The following VWCE variants were observed in gnomAD, a reference collection of about 807,000 sequenced individuals.
The protein encoded by VWCE is von Willebrand factor C and EGF domain-containing protein.
In VWCE, 68 loss-of-function variants were observed where a neutral mutation model predicts 102.9. The ratio of observed to expected loss-of-function variants is 0.66; its 90% CI spans 0.54 to 0.81. VWCE has a LOEUF of 0.81. Among genes scored for constraint, VWCE ranks in the 30% least tolerant of loss-of-function variants. The probability of loss-of-function intolerance (pLI) is 0.00; values close to 1 mark genes in which losing one functional copy is unlikely to be tolerated. For synonymous variants in VWCE, 497 were observed against 515.4 expected (o/e 0.96, Z 0.48); for missense variants, 1,137 against 1,263.6 (o/e 0.90, Z 1.52).
intron 16 of VWCE, among the ~76,000 whole-genome samples, chr11:61,266,470 C>T (rs1373136797): frequency 6.6e-6 from 1 of 151,920 alleles, no homozygotes; most frequent in Non-Finnish European, 1.5e-5. Flanking sequence ...ATCGCTTGAG[C>T]CCAGGAGGTC....
chr11:61,265,779 C>T (rs920060883), intron 16 of VWCE, among the ~76,000 whole-genome samples: 4 of 152,232 alleles, frequency 2.6e-5, no homozygotes, highest in African/African-American at 7.2e-5. Context: ...GGAGTGGTGG[C>T]TCACACCTGT....
chr11:61,259,753 G>A (rs1854299915), intron 19 of VWCE, among the ~76,000 whole-genome samples: 2 of 152,198 alleles, frequency 1.3e-5, no homozygotes, highest in South Asian at 4.1e-4. Flanking sequence ...ATCATGTGGA[G>A]TCTGAGGCAT....
At position 61,267,479 on chromosome 11, in the gene VWCE, G is replaced by C. The variant is rs1240105512; in HGVS notation, c.1948C>G (p.Leu650Val). The change falls in exon 16 of 20, where the codon CTG (leucine) becomes GTG (valine). Residue 650 changes from leucine (L) to valine (V), a missense_variant. Physicochemically the swap from Leu to Val is conservative, Grantham distance 32. Around this residue, in one of 5 missense-constraint regions of VWCE, gnomAD observed 212 missense variants for 235.1 expected, o/e 0.90. Transcript: ENST00000335613. ...GTCCATACCAGGCAGATGCAGCTCA[G>C]ACATGGGTCCAGCACAGACGGGAAG... ...ETFPSVLDPC[L>V]SCICLLGSVA... is the part of the protein sequence containing the mutation. 1 of 1,614,218 alleles carries C rather than the reference G, an allele frequency of 6.2e-7. No individual in the cohort carries two copies. Among genetic ancestry groups the C allele is most frequent in the Admixed American group, 1.7e-5 (1 of 60,020 alleles).
intron 16 of VWCE, 57 bp downstream of exon 16, chr11:61,267,405 C>G: frequency 6.5e-7 from 1 of 1,548,092 alleles, no homozygotes; most frequent in Non-Finnish European, 8.9e-7. Flanking sequence ...ATTCAGGAGC[C>G]GATGTCAGTT....
intron 3 of VWCE, 57 bp downstream of exon 3, chr11:61,291,207 A>G: frequency 6.8e-7 from 1 of 1,472,162 alleles, no homozygotes; most frequent in Non-Finnish European, 9.1e-7. Flanking sequence ...ACTGCCCAGG[A>G]CATAACCTCA....
intron 13 of VWCE, among the ~76,000 whole-genome samples, chr11:61,272,366 TAC>T (rs1721447319): frequency 1.3e-5 from 2 of 151,344 alleles, no homozygotes; most frequent in East Asian, 3.9e-4. Context: ...CATAGAATCA[TAC>T]ACTTACATGC....
At chr11:61,286,192 G>A (rs1008728646) in intron 5 of VWCE, 122 bp downstream of exon 5, 49 of 948,058 alleles carry the variant, frequency 5.2e-5, no homozygotes, top group Non-Finnish European at 3.0e-5. Context: ...CTCCGAAGCC[G>A]GTGGTGAAGG....
Position 61,294,957 on chromosome 11 carries a change from C to A in VWCE, c.81G>T (p.Arg27Ser). The change falls in exon 1 of 20, where the codon AGG (arginine) becomes AGT (serine). Residue 27 changes from arginine to serine, a missense_variant. Arg to Ser is a moderately radical substitution (Grantham distance 110, BLOSUM62 -1). Coordinates refer to ENST00000335613, the MANE Select transcript of VWCE (RefSeq NM_152718.2). This position sits in a 1 kb window ranked among gnomAD's most constrained non-coding sequence, Gnocchi z 6.3. ...PGAPARGYTGRKPPGHFAAER... is the reference protein window; with the variant it reads ...PGAPARGYTGSKPPGHFAAER... The stretch of plus-strand genomic sequence containing the variant: ...CGGCCGCGAAGTGCCCGGGCGGCTT[C>A]CTCCCGGTGTAGCCTCGGGCTGGTG... 1 of 1,458,516 alleles carries A rather than the reference C, an allele frequency of 6.9e-7. No homozygotes were observed. The highest frequency in any genetic ancestry group is 9.0e-7 in the Non-Finnish European group (1 of 1,105,048). The allele number at this position is 1,458,516 out of a possible 1,614,324, so 90.3% of individuals were successfully genotyped here. A position where few individuals can be genotyped will look rare whatever the true frequency, so the allele number is the denominator to read the frequency against.
chr11:61,270,411 T>C (rs1854649615), intron 14 of VWCE, among the ~76,000 whole-genome samples: 1 of 152,138 alleles, frequency 6.6e-6, no homozygotes, highest in Non-Finnish European at 1.5e-5. Flanking sequence ...TTTTGAGAAA[T>C]AAACCTCTAA....
Position 61,295,129 on chromosome 11 carries a change from C to T in VWCE, c.-92G>A. 1 of 769,870 alleles carries T rather than the reference C, an allele frequency of 1.3e-6. No homozygotes were observed. Among genetic ancestry groups the T allele is most frequent in the Non-Finnish European group, 1.8e-6 (1 of 558,088 alleles). 47.7% of individuals were successfully genotyped at this position (769,870 alleles called of 1,614,324 possible). ...CGGCCCTCGCCCCTCCTCCTGGCGC[C>T]GTGGGGAGCGAACCAGCGATCCCCG... is the stretch of plus-strand genomic sequence containing the variant. On this transcript the variant is annotated 5_prime_UTR_variant, in exon 1 of 20. Transcript: ENST00000335613. This position sits in a 1 kb window ranked among gnomAD's most constrained non-coding sequence, Gnocchi z 4.6.
At position 61,258,800 on chromosome 11, in the gene VWCE, G is replaced by A. The variant is rs770919146; in HGVS notation, c.2743C>T (p.Leu915Phe). 1.3e-6 allele frequency: 2 copies of A among 1,502,202 alleles called. No homozygotes were observed. Among genetic ancestry groups the A allele is most frequent in the East Asian group, 2.3e-5 (1 of 43,246 alleles). 93.1% of individuals were successfully genotyped at this position (1,502,202 alleles called of 1,614,324 possible). A position where few individuals can be genotyped will look rare whatever the true frequency, so the allele number is the denominator to read the frequency against. ...DPSPSKTPIT[L>F]LGPRVLSPTT... The stretch of plus-strand genomic sequence containing the variant: ...GGAGAAAGCACGCGAGGCCCGAGGA[G>A]GGTGATGGGGGTCTTCGAGGGGCTG... The change falls in exon 20 of 20, where the codon CTC (leucine) becomes TTC (phenylalanine). Residue 915 changes from leucine to phenylalanine, a missense_variant. Leu to Phe is a conservative substitution (Grantham distance 22, BLOSUM62 0). Transcript: ENST00000335613.
chr11:61,267,356 C>G, intron 16 of VWCE, 106 bp downstream of exon 16: 1 of 1,134,894 alleles, frequency 8.8e-7, no homozygotes, highest in Non-Finnish European at 1.3e-6. Context: ...GAACCAGAAG[C>G]ATCCCTTGTC....
chr11:61,263,058 G>A (rs943677022), intron 19 of VWCE, among the ~76,000 whole-genome samples: 5 of 152,194 alleles, frequency 3.3e-5, no homozygotes, highest in Non-Finnish European at 7.3e-5. Context: ...TGTAATCCCA[G>A]TGCCTTGGGA....
intron 16 of VWCE, among the ~76,000 whole-genome samples, chr11:61,266,015 C>T (rs1854502190): frequency 6.6e-6 from 1 of 151,198 alleles, no homozygotes; most frequent in Admixed American, 6.6e-5. Flanking sequence ...CACTGCACTC[C>T]AGCCTGGCGA....
chr11:61,267,574 G>A (rs376151599), intron 15 of VWCE, 30 bp from the exon 16 acceptor site: 18 of 1,609,334 alleles, frequency 1.1e-5, no homozygotes, highest in Non-Finnish European at 1.4e-5. Flanking sequence ...CTGAGCACCA[G>A]CTGGGAGTGG....
rs559684795 is a variant in VWCE, at chr11:61,269,834, G to A, written c.1786-816C>T. Reference sequence around the variant, plus strand: ...TCTTGGTGACTGATTATGGGTGCCCGAAATCAGTCATAAAGGAGAAGACAG... The same window carrying A: ...TCTTGGTGACTGATTATGGGTGCCCAAAATCAGTCATAAAGGAGAAGACAG... On this transcript the variant is annotated intron_variant, in intron 14 of 19. Coordinates refer to ENST00000335613, the MANE Select transcript of VWCE (RefSeq NM_152718.2). Among the ~76,000 whole-genome samples the A allele has an allele frequency of 4.0e-5, 6 of 151,878 alleles. No homozygotes were observed. In the East Asian group the frequency reaches 5.8e-4, roughly 15 times the overall value.
intron 4 of VWCE, among the ~76,000 whole-genome samples, chr11:61,289,773 C>T (rs956476969): frequency 3.9e-5 from 6 of 152,114 alleles, no homozygotes; most frequent in African/African-American, 9.7e-5. Flanking sequence ...CAAATATCTC[C>T]GGGTGGGGAC....
intron 5 of VWCE, among the ~76,000 whole-genome samples, chr11:61,284,410 ATC>A (rs1855244535): frequency 6.6e-6 from 1 of 152,190 alleles, no homozygotes; most frequent in African/African-American, 2.4e-5. Context: ...CAACTATCCT[ATC>A]TCTGTAAGTG....
rs1324175275 is a variant in VWCE at position 61,295,300 on chromosome 11, G to GC, written c.-264dup. ...AAGGCAACGCCGCCCGCCTGCTGAT[G>GC]CCTCTCCGAGAGGCGCGGAGCCCGG... On this transcript the variant is annotated 5_prime_UTR_variant, in exon 1 of 20. Transcript: ENST00000335613. The surrounding 1 kb of genome is among the most constrained non-coding windows in gnomAD (Gnocchi z 4.6). 1 of 325,292 alleles carries GC rather than the reference G, an allele frequency of 3.1e-6. No homozygotes were observed. The highest frequency in any genetic ancestry group is 5.6e-6 in the Non-Finnish European group (1 of 179,154). 20.2% of individuals were successfully genotyped at this position (325,292 alleles called of 1,614,324 possible). A position where few individuals can be genotyped will look rare whatever the true frequency, so the allele number is the denominator to read the frequency against.
Sources: allele counts gnomAD v4.1 joint callset (sites outside exome capture counted in the v4.1 genomes callset), GRCh38; gene constraint gnomAD v4.1.1; regional missense constraint gnomAD v4.1.1; non-coding constraint Gnocchi (gnomAD v3.1); transcripts MANE v1.5; gene names NCBI Gene and HGNC (gene_info 2026-07-23, HGNC 2026-07-21).